Variants in RGS7 observed in about 807,000 individuals in gnomAD.
RGS7 encodes the protein regulator of G protein signaling 7.
In RGS7, 27 loss-of-function variants were observed where a neutral mutation model predicts 81.1. That is an observed-to-expected ratio of 0.33 (90% CI 0.25 to 0.46). The LOEUF is 0.46. RGS7 is among the 20% of genes least tolerant of loss of function. The pLI, the probability that RGS7 is intolerant of heterozygous loss-of-function variation, is 1.00. For synonymous variants in RGS7, 208 were observed against 207.7 expected (o/e 1.00, Z -0.01); for missense variants, 396 against 607.4 (o/e 0.65, Z 3.66).
At chr1:241,260,210 T>C (rs2077260353) in intron 2 of RGS7, among the ~76,000 whole-genome samples, 1 of 152,202 alleles carries the variant, frequency 6.6e-6, no homozygotes, top group Non-Finnish European at 1.5e-5. Context: ...ACAATTGTCC[T>C]ATCAATTACT....
intron 2 of RGS7, among the ~76,000 whole-genome samples, chr1:241,146,506 CT>C (rs1484551118): frequency 6.6e-6 from 1 of 152,162 alleles, no homozygotes; most frequent in African/African-American, 2.4e-5. Context: ...GATTGTTCCC[CT>C]ATCCTTGCTC....
intron 6 of RGS7, among the ~76,000 whole-genome samples, chr1:240,915,990 G>A (rs973192472): frequency 1.1e-4 from 16 of 151,514 alleles, no homozygotes; most frequent in African/African-American, 1.5e-4. Flanking sequence ...AATGTCAGGC[G>A]CAGTGGCTCA....
rs1455910129 is a variant in RGS7, at chr1:241,060,256, A to G, written c.175+38410T>C. Among the ~76,000 whole-genome samples the G allele has an allele frequency of 3.3e-5, 5 of 152,224 alleles. No homozygotes were observed. In the East Asian group the frequency reaches 9.6e-4, roughly 29 times the overall value. The stretch of plus-strand genomic sequence containing the variant: ...AGCAACAAGTCAAAAGAAATGCCAA[A>G]CCACTTACAGTGAAAAATAGTTAGA... On this transcript the variant is annotated intron_variant, in intron 3 of 18. Coordinates refer to ENST00000440928, the MANE Select transcript of RGS7 (RefSeq NM_001364886.1).
intron 2 of RGS7, among the ~76,000 whole-genome samples, chr1:241,178,074 G>T (rs1053647758): frequency 3.3e-5 from 5 of 152,128 alleles, no homozygotes; most frequent in African/African-American, 1.2e-4. Flanking sequence ...TTTGCTCGAG[G>T]CCAGGAGTTC....
chr1:241,194,825 G>A (rs1303289655), intron 2 of RGS7, among the ~76,000 whole-genome samples: 1 of 152,180 alleles, frequency 6.6e-6, no homozygotes, highest in Non-Finnish European at 1.5e-5. Context: ...TAAAGGCTTG[G>A]AGGTTGACAG....
At chr1:241,020,619 T>G (rs2059488978) in intron 3 of RGS7, among the ~76,000 whole-genome samples, 1 of 152,186 alleles carries the variant, frequency 6.6e-6, no homozygotes, top group African/African-American at 2.4e-5. Context: ...CATGAACATA[T>G]TTTTTTCTTT....
intron 18 of RGS7, among the ~76,000 whole-genome samples, chr1:240,796,924 A>T (rs1055423455): frequency 5.9e-5 from 9 of 152,194 alleles, no homozygotes; most frequent in African/African-American, 1.9e-4. Flanking sequence ...CTCTACAGAT[A>T]ATTGTCTTCA....
intron 3 of RGS7, among the ~76,000 whole-genome samples, chr1:240,993,794 T>G (rs2148600909): frequency 6.6e-6 from 1 of 152,304 alleles, no homozygotes; most frequent in Admixed American, 6.5e-5. Context: ...TCCAATAATT[T>G]CTCCTACTAT....
chr1:241,355,765 C>A lies in RGS7; in HGVS notation c.12G>T (p.Gly4=), dbSNP rs377258567. 3 of 1,613,868 alleles carry A rather than the reference C, an allele frequency of 1.9e-6. No homozygotes were observed. The highest frequency in any genetic ancestry group is 2.2e-5 in the East Asian group (1 of 44,878). Residue 4 remains glycine (G), a synonymous_variant, in exon 2 of 19, where the codon GGG becomes GGT. Coordinates refer to ENST00000440928, the MANE Select transcript of RGS7 (RefSeq NM_001364886.1). ...CGTTGCTGGTCTGCCCATAATTATT[C>A]CCCTGGGCCATGTCACCCAAAACTT... MAQ[G]NNYGQTSNGV...
chr1:241,219,328 C>G (rs1432172387), intron 2 of RGS7, among the ~76,000 whole-genome samples: 1 of 152,210 alleles, frequency 6.6e-6, no homozygotes, highest in Non-Finnish European at 1.5e-5. Flanking sequence ...CGAGCTCTCT[C>G]TCTTTGCCTG....
Position 241,307,794 on chromosome 1 carries a change from CTGAA to C in RGS7, c.78+47901_78+47904del, listed in dbSNP as rs375942224. On this transcript the variant is annotated intron_variant, in intron 2 of 18. Transcript: ENST00000440928. The stretch of plus-strand genomic sequence containing the variant: ...TAAGTCAATACTTTTGAATGAATGA[CTGAA>C]TGAATGAATGAATGAATGAGATGTC... Among the ~76,000 whole-genome samples, 256 of 149,518 alleles carry C rather than the reference CTGAA, an allele frequency of 1.7e-3. 1 individual carries two copies. Among genetic ancestry groups the C allele is most frequent in the African/African-American group, 5.3e-3 (205 of 38,972 alleles).
chr1:241,115,296 T>C (rs760535723), intron 2 of RGS7, among the ~76,000 whole-genome samples: 112 of 152,304 alleles, frequency 7.4e-4, no homozygotes, highest in Non-Finnish European at 8.5e-4. Flanking sequence ...GAATGGTTCA[T>C]GCTGAACCTC....
intron 2 of RGS7, among the ~76,000 whole-genome samples, chr1:241,198,381 T>C (rs1254432693): frequency 6.6e-6 from 1 of 151,796 alleles, no homozygotes; most frequent in Non-Finnish European, 1.5e-5. Context: ...AAACACATAA[T>C]AGAAGAATAA....
chr1:241,355,417 A>G (rs2083500043), intron 2 of RGS7, among the ~76,000 whole-genome samples: 1 of 152,248 alleles, frequency 6.6e-6, no homozygotes. Flanking sequence ...TATAACAACC[A>G]AAATATCTGG....
At chr1:241,088,346 A>T (rs2063604780) in intron 3 of RGS7, among the ~76,000 whole-genome samples, 1 of 151,972 alleles carries the variant, frequency 6.6e-6, no homozygotes, top group Non-Finnish European at 1.5e-5. Context: ...CCACCAAAAA[A>T]CATACCATTT....
chr1:240,992,218 C>G (rs561004426), intron 3 of RGS7, among the ~76,000 whole-genome samples: 24 of 152,140 alleles, frequency 1.6e-4, no homozygotes, highest in Non-Finnish European at 2.8e-4. Context: ...AAAACTACAG[C>G]TCAGGCCGGG....
At chr1:241,350,017 T>C (rs1462828590) in intron 2 of RGS7, among the ~76,000 whole-genome samples, 1 of 152,100 alleles carries the variant, frequency 6.6e-6, no homozygotes, top group Non-Finnish European at 1.5e-5. Context: ...ATCAATTAGA[T>C]TCAGGGAGAT....
chr1:241,075,148 A>G (rs2062716867), intron 3 of RGS7, among the ~76,000 whole-genome samples: 1 of 152,184 alleles, frequency 6.6e-6, no homozygotes. Context: ...AATGACTTCA[A>G]TGAGATTTGT....
chr1:241,193,748 C>CT (rs1247447920), intron 2 of RGS7, among the ~76,000 whole-genome samples: 1 of 152,120 alleles, frequency 6.6e-6, no homozygotes, highest in Non-Finnish European at 1.5e-5. Context: ...GAGACTTCTG[C>CT]TACAGAAAGT....
Sources: gnomAD v4.1 joint callset for allele counts (sites outside exome capture counted in the v4.1 genomes callset) on GRCh38, gnomAD v4.1.1 for gene constraint, MANE v1.5 for transcripts, NCBI Gene and HGNC (gene_info 2026-07-23, HGNC 2026-07-21) for gene names.